The following ANKHD1 variants were observed in gnomAD, a reference collection of about 807,000 sequenced individuals.
ANKHD1 encodes ankyrin repeat and KH domain-containing protein 1.
In ANKHD1, 31 loss-of-function variants were observed where a neutral mutation model predicts 230.5. The observed-to-expected ratio is 0.13, with a 90% CI of 0.10 to 0.18. The LOEUF is 0.18. Ranked by LOEUF, ANKHD1 falls within the 10% of genes least tolerant of loss-of-function variation. The pLI, the probability that ANKHD1 is intolerant of heterozygous loss-of-function variation, is 1.00. For missense variants in ANKHD1, 2,256 were observed against 3,071.3 expected, an observed-to-expected ratio of 0.73 and a Z score of 6.27; for synonymous variants, 1,074 against 1,117.6, an observed-to-expected ratio of 0.96 and a Z score of 0.78.
intron 33 of ANKHD1, 115 bp from the exon 34 acceptor site, chr5:140,539,244 A>G: frequency 6.4e-7 from 1 of 1,560,794 alleles, no homozygotes; most frequent in Middle Eastern, 1.7e-4. Context: ...TTTATTTAAT[A>G]TATGTGTATT....
Position 140,506,680 on chromosome 5 carries a change from GTGTTGATATTTCAA to G in ANKHD1, c.3409-153_3409-140del, listed in dbSNP as rs1752549229. Among the ~76,000 whole-genome samples, 1 of 152,140 alleles carries G rather than the reference GTGTTGATATTTCAA, an allele frequency of 6.6e-6. No individual in the cohort carries two copies. The highest frequency in any genetic ancestry group is 2.4e-5 in the African/African-American group (1 of 41,422). ...TCCTGAAATTGAATCCATTTCTCTA[GTGTTGATATTTCAA>G]TATTTAGGGTCTAATGAAATGTAAT... On this transcript the variant is annotated intron_variant, in intron 18 of 33. Coordinates refer to ENST00000360839, the MANE Select transcript of ANKHD1 (RefSeq NM_017747.3). The surrounding 1 kb of genome is among the most constrained non-coding windows in gnomAD (Gnocchi z 4.7).
intron 7 of ANKHD1, among the ~76,000 whole-genome samples, chr5:140,452,065 G>C (rs1412811924): frequency 6.6e-6 from 1 of 152,130 alleles, no homozygotes; most frequent in African/African-American, 2.4e-5. Flanking sequence ...GGCACACCAG[G>C]AGATTATATC....
Position 140,507,844 on chromosome 5 carries a change from C to G in ANKHD1, c.3611C>G (p.Pro1204Arg). ...TTGGCTGCAATGAATGGACATGTTC[C>G]TGCAGTAAAATTGCTGCTCGATATG... is the stretch of plus-strand genomic sequence containing the variant. ...LMLAAMNGHV[P>R]AVKLLLDMGS... The change falls in exon 20 of 34, where the codon CCT becomes CGT. Residue 1204 changes from proline (P) to arginine (R), a missense_variant. Around this residue, in one of 13 missense-constraint regions of ANKHD1, gnomAD observed 195 missense variants for 340.3 expected, o/e 0.57. Coordinates refer to ENST00000360839, the MANE Select transcript of ANKHD1 (RefSeq NM_017747.3). This position sits in a 1 kb window ranked among gnomAD's most constrained non-coding sequence, Gnocchi z 4.1. 1 of 1,614,100 alleles carries G rather than the reference C, an allele frequency of 6.2e-7. No individual in the cohort carries two copies. Among genetic ancestry groups the G allele is most frequent in the Non-Finnish European group, 8.5e-7 (1 of 1,180,050 alleles).
In ANKHD1 at chr5:140,474,075, C is replaced by T. The variant is rs150088390; in HGVS notation, c.1783-8505C>T. On this transcript the variant is annotated intron_variant, in intron 10 of 33. Transcript: ENST00000360839. Reference sequence around the variant, plus strand: ...TCTTTTTCCATCTTTGCTTTATAATCGATCATTTTTCCTCCATCCAAATTG... The same window carrying T: ...TCTTTTTCCATCTTTGCTTTATAATTGATCATTTTTCCTCCATCCAAATTG... Among the ~76,000 whole-genome samples the T allele has an allele frequency of 8.0e-3, 1,223 of 152,266 alleles. 3 individuals carry two copies. The highest frequency in any genetic ancestry group is 0.013 in the Non-Finnish European group (863 of 67,994).
intron 13 of ANKHD1, chr5:140,486,137 T>A (rs538805213): frequency 5.2e-6 from 1 of 192,238 alleles, no homozygotes; most frequent in East Asian, 1.8e-4. Context: ...CAATCTCAGC[T>A]CACCGCAACC....
chr5:140,526,128 A>G lies in ANKHD1; in HGVS notation c.4625A>G (p.Asn1542Ser), dbSNP rs762672567. 1.2e-6 allele frequency: 2 copies of G among 1,613,908 alleles called. No individual in the cohort carries two copies. The highest frequency in any genetic ancestry group is 1.1e-5 in the South Asian group (1 of 90,994). The part of the protein sequence containing the change: ...RANVVTTPST[N>S]RKNKKNKTKE... ...AATGTGGTGACAACTCCCAGCACCA[A>G]TCGGAAAAATAAGAAGAACAAAACA... is the stretch of plus-strand genomic sequence containing the variant. The change falls in exon 26 of 34, where the codon AAT becomes AGT. Residue 1542 changes from asparagine (N) to serine (S), a missense_variant. Asn to Ser is a conservative substitution (Grantham distance 46). Transcript: ENST00000360839.
chr5:140,460,800 T>C (rs1178488844), intron 9 of ANKHD1, among the ~76,000 whole-genome samples: 1 of 152,184 alleles, frequency 6.6e-6, no homozygotes, highest in Admixed American at 6.5e-5. Context: ...GGATTACAGA[T>C]GTGAACTACC....
At chr5:140,529,936 C>T in intron 29 of ANKHD1, 140 bp downstream of exon 29, 1 of 1,321,690 alleles carries the variant, frequency 7.6e-7, no homozygotes, top group Non-Finnish European at 1.0e-6. Context: ...TTTTTCTGTC[C>T]CTCATAGTAA....
At chr5:140,488,221 G>C (rs191174576) in intron 14 of ANKHD1, among the ~76,000 whole-genome samples, 116 of 152,038 alleles carry the variant, frequency 7.6e-4, no homozygotes, top group Non-Finnish European at 1.5e-3. Flanking sequence ...TGTTTTCTTT[G>C]GGGGGGAGTT....
chr5:140,522,167 C>T (rs1295767370), intron 24 of ANKHD1, among the ~76,000 whole-genome samples: 1 of 152,212 alleles, frequency 6.6e-6, no homozygotes, highest in African/African-American at 2.4e-5. Context: ...CTTTCTGTCT[C>T]TATAGATTTG....
At chr5:140,525,464 T>C (rs1352598602) in intron 25 of ANKHD1, among the ~76,000 whole-genome samples, 1 of 152,100 alleles carries the variant, frequency 6.6e-6, no homozygotes, top group Non-Finnish European at 1.5e-5. Flanking sequence ...GATTTCGCCA[T>C]GTTGCCCAGG....
intron 7 of ANKHD1, among the ~76,000 whole-genome samples, chr5:140,454,034 G>A (rs1774961568): frequency 6.6e-6 from 1 of 151,972 alleles, no homozygotes; most frequent in Non-Finnish European, 1.5e-5. Flanking sequence ...CCAAGCAAAT[G>A]GAAAACAGAA....
rs867170775 is a variant in ANKHD1, at chr5:140,438,547, C to T, written c.547C>T (p.Leu183=). 4 of 1,613,380 alleles carry T rather than the reference C, an allele frequency of 2.5e-6. No homozygotes were observed. Among genetic ancestry groups the T allele is most frequent in the Non-Finnish European group, 3.4e-6 (4 of 1,179,586 alleles). Residue 183 remains leucine (L), a synonymous_variant, in exon 3 of 34, where the codon CTG becomes TTG. Transcript: ENST00000360839. ...RRLTSSVSCA[L]DEAAAALTRM... ...ACTGACATCCTCAGTTAGTTGTGCA[C>T]TGGATGAAGCTGCTGCTGCACTGAC...
chr5:140,438,754 A>G (rs986600314), intron 3 of ANKHD1, 137 bp downstream of exon 3: 55 of 1,164,682 alleles, frequency 4.7e-5, no homozygotes, highest in Middle Eastern at 5.1e-4. Context: ...AAGTGGATAT[A>G]TAAATGTATA....
chr5:140,488,170 C>A (rs1471732895), intron 14 of ANKHD1, among the ~76,000 whole-genome samples: 1 of 152,090 alleles, frequency 6.6e-6, no homozygotes, highest in Non-Finnish European at 1.5e-5. Flanking sequence ...TGATATTTAA[C>A]CTTTAGTAAA....
At chr5:140,519,462 A>G (rs1184338636) in intron 24 of ANKHD1, among the ~76,000 whole-genome samples, 2 of 152,224 alleles carry the variant, frequency 1.3e-5, no homozygotes, top group Non-Finnish European at 2.9e-5. Flanking sequence ...AAGAGCCCAC[A>G]TCGCCAAGTC....
intron 1 of ANKHD1, among the ~76,000 whole-genome samples, chr5:140,427,734 C>T (rs1375817935): frequency 1.3e-5 from 2 of 149,436 alleles, no homozygotes; most frequent in African/African-American, 4.9e-5. Flanking sequence ...GGCAGAGGCG[C>T]CCCTCACCTC....
At chr5:140,524,967 TG>T in intron 25 of ANKHD1, 2 of 346,392 alleles carry the variant, frequency 5.8e-6, no homozygotes, top group Non-Finnish European at 1.1e-5. Flanking sequence ...AAAATTAGCC[TG>T]GGATTACAGG....
chr5:140,418,632 G>T (rs986974753), intron 1 of ANKHD1, among the ~76,000 whole-genome samples: 2 of 152,028 alleles, frequency 1.3e-5, no homozygotes, highest in Non-Finnish European at 2.9e-5. Context: ...TGGGCATTTC[G>T]TATAAACAGA....
Sources: allele counts gnomAD v4.1 joint callset (sites outside exome capture counted in the v4.1 genomes callset), GRCh38; gene constraint gnomAD v4.1.1; regional missense constraint gnomAD v4.1.1; non-coding constraint Gnocchi (gnomAD v3.1); transcripts MANE v1.5; gene names NCBI Gene and HGNC (gene_info 2026-07-23, HGNC 2026-07-21).